CSGALNACT1: variants seen among roughly 807,000 people sequenced by gnomAD.
CSGALNACT1 encodes chondroitin sulfate N-acetylgalactosaminyltransferase 1.
CSGALNACT1 carries 52 observed loss-of-function variants against 51.0 expected under a neutral mutation model. The observed-to-expected ratio is 1.02, with a 90% CI of 0.82 to 1.29. CSGALNACT1 has a LOEUF of 1.29. Among genes scored for constraint, CSGALNACT1 ranks in the 50% most tolerant of loss-of-function variants. CSGALNACT1 has a pLI of 0.00. For synonymous variants in CSGALNACT1, 341 were observed against 254.4 expected (o/e 1.34, Z -3.24); for missense variants, 935 against 679.2 (o/e 1.38, Z -4.19).
intron 3 of CSGALNACT1, among the ~76,000 whole-genome samples, chr8:19,535,368 TAAC>T (rs1240292363): frequency 1.3e-5 from 2 of 152,194 alleles, no homozygotes; most frequent in Non-Finnish European, 2.9e-5. Flanking sequence ...ACTTAGCCAT[TAAC>T]AACTTCTACT....
rs544618819 is a variant in CSGALNACT1, at chr8:19,757,177, C to G, written c.-297+673G>C. 9 of 149,690 alleles carry G rather than the reference C, an allele frequency of 6.0e-5. No individual in the cohort carries two copies. The highest frequency in any genetic ancestry group is 2.2e-4 in the African/African-American group (9 of 41,196). 9.3% of individuals were successfully genotyped at this position (149,690 alleles called of 1,614,324 possible). On this transcript the variant is annotated intron_variant, in intron 1 of 1. Transcript: ENST00000517494. The surrounding 1 kb of genome is among the most constrained non-coding windows in gnomAD (Gnocchi z 4.0). The stretch of plus-strand genomic sequence containing the variant: ...GCGCCCGGCTGGCCCGGGAGGGGAC[C>G]CGACTCACCCGAAGCGCCCTGCTAG...
chr8:19,646,303 C>A (rs1202301515), intron 1 of CSGALNACT1, among the ~76,000 whole-genome samples: 1 of 152,170 alleles, frequency 6.6e-6, no homozygotes, highest in African/African-American at 2.4e-5. Flanking sequence ...AAGCTCCAGC[C>A]ATCCCCAGAG....
At chr8:19,636,940 C>T (rs1230662722) in intron 1 of CSGALNACT1, among the ~76,000 whole-genome samples, 2 of 151,846 alleles carry the variant, frequency 1.3e-5, no homozygotes, top group Admixed American at 1.3e-4. Flanking sequence ...AGCTTGTAAT[C>T]GCACTTTGGG....
rs2056171717 is a variant in CSGALNACT1, at chr8:19,413,008, G to A, written c.1228-4314C>T. The stretch of plus-strand genomic sequence containing the variant: ...GCCCAAAACAATTCTAAGACTCCGG[G>A]GACAGTTCCACATCTTGAGAAATAA... On this transcript the variant is annotated intron_variant, in intron 8 of 9. Transcript: ENST00000454498. 2.6e-5 allele frequency among the ~76,000 whole-genome samples: 4 copies of A among 152,146 alleles called. 1 individual carries two copies. In the South Asian group the frequency reaches 8.3e-4, roughly 32 times the overall value.
intron 2 of CSGALNACT1, among the ~76,000 whole-genome samples, chr8:19,598,564 C>T (rs1231250135): frequency 6.6e-6 from 1 of 152,224 alleles, no homozygotes; most frequent in African/African-American, 2.4e-5. Context: ...ACATCTGCTT[C>T]CTTCCAAAAA....
rs773521188 is a variant in CSGALNACT1, at chr8:19,407,491, G to A, written c.1309+1122C>T. 1.1e-4 allele frequency among the ~76,000 whole-genome samples: 17 copies of A among 152,164 alleles called. No homozygotes were observed. The East Asian group carries it at 1.7e-3, about 16-fold the overall frequency. On this transcript the variant is annotated intron_variant, in intron 9 of 9. Transcript: ENST00000454498. ...GGGACTGTTCATTCATACCCAGGTC[G>A]TGCATAATCTGCAACTCTATCTCTT...
At chr8:19,431,713 T>A (rs2059676622) in intron 6 of CSGALNACT1, among the ~76,000 whole-genome samples, 2 of 152,114 alleles carry the variant, frequency 1.3e-5, no homozygotes, top group African/African-American at 4.8e-5. Context: ...CTCTTCCAAT[T>A]TTTTTGGAAG....
chr8:19,743,442 T>C (rs1203051367), intron 1 of CSGALNACT1, among the ~76,000 whole-genome samples: 2 of 152,192 alleles, frequency 1.3e-5, no homozygotes, highest in Non-Finnish European at 2.9e-5. Context: ...CAAAATGATA[T>C]CAGATAACTT....
At chr8:19,502,200 G>A (rs4244453) in intron 4 of CSGALNACT1, among the ~76,000 whole-genome samples, 81,436 of 152,138 alleles carry the variant, frequency 0.54, 23,779 homozygotes, top group East Asian at 0.84. Context: ...TGGGTCACCC[G>A]GCAGGCTGGA....
At chr8:19,443,845 G>A (rs1294715251) in intron 5 of CSGALNACT1, among the ~76,000 whole-genome samples, 2 of 152,030 alleles carry the variant, frequency 1.3e-5, no homozygotes, top group African/African-American at 2.4e-5. Flanking sequence ...GCAGCATCAG[G>A]GACCAGTTTC....
chr8:19,481,054 A>G (rs576134187), intron 4 of CSGALNACT1, among the ~76,000 whole-genome samples: 5 of 152,298 alleles, frequency 3.3e-5, no homozygotes, highest in African/African-American at 9.6e-5. Context: ...ACTGCTGGAA[A>G]TATCACAGTG....
At chr8:19,699,037 CT>C (rs1480997542) in intron 1 of CSGALNACT1, among the ~76,000 whole-genome samples, 2 of 152,008 alleles carry the variant, frequency 1.3e-5, no homozygotes, top group African/African-American at 4.8e-5. Flanking sequence ...TTGCTTTTTT[CT>C]TTTTTTCTTT....
intron 1 of CSGALNACT1, among the ~76,000 whole-genome samples, chr8:19,649,618 C>A (rs190244330): frequency 1.5e-4 from 22 of 151,650 alleles, no homozygotes; most frequent in Non-Finnish European, 2.5e-4. Flanking sequence ...TTCACAGTTA[C>A]GAATACATGC....
At chr8:19,690,705 T>C (rs1017719620) in intron 1 of CSGALNACT1, among the ~76,000 whole-genome samples, 4 of 152,184 alleles carry the variant, frequency 2.6e-5, no homozygotes, top group African/African-American at 7.2e-5. Context: ...TACTCTGAAT[T>C]AATAATATGT....
intron 1 of CSGALNACT1, among the ~76,000 whole-genome samples, chr8:19,652,953 T>C (rs571796438): frequency 6.6e-6 from 1 of 152,316 alleles, no homozygotes; most frequent in Non-Finnish European, 1.5e-5. Context: ...TACCCTCAAA[T>C]TTTCCAGTAA....
upstream of CSGALNACT1, among the ~76,000 whole-genome samples, chr8:19,685,880 T>C (rs1024535391): frequency 1.3e-5 from 2 of 152,210 alleles, no homozygotes; most frequent in Non-Finnish European, 2.9e-5. Context: ...TGCTAGTTAA[T>C]AGCCGTACAA....
chr8:19,695,857 T>C (rs1001489352), intron 1 of CSGALNACT1, among the ~76,000 whole-genome samples: 15 of 152,022 alleles, frequency 9.9e-5, no homozygotes, highest in Admixed American at 3.3e-4. Flanking sequence ...CCAAACAACA[T>C]TGGAGGAAGA....
chr8:19,734,035 G>A (rs1040268236), intron 1 of CSGALNACT1, among the ~76,000 whole-genome samples: 6 of 152,296 alleles, frequency 3.9e-5, no homozygotes, highest in South Asian at 4.1e-4. Flanking sequence ...AACAATGAAC[G>A]CTGAGGCTCC....
chr8:19,661,828 T>G, intron 1 of CSGALNACT1, among the ~76,000 whole-genome samples: 1 of 152,178 alleles, frequency 6.6e-6, no homozygotes. Context: ...GCCTTTCTAT[T>G]TCTCCCACCA....
Sources: allele counts gnomAD v4.1 joint callset (sites outside exome capture counted in the v4.1 genomes callset), GRCh38; gene constraint gnomAD v4.1.1; non-coding constraint Gnocchi (gnomAD v3.1); transcripts MANE v1.5; gene names NCBI Gene and HGNC (gene_info 2026-07-23, HGNC 2026-07-21).